Variants in DPP10 observed in about 807,000 individuals in gnomAD.
DPP10 encodes the protein dipeptidyl peptidase like 10, also known as inactive dipeptidyl peptidase 10.
DPP10 carries 33 observed loss-of-function variants against 120.9 expected under a neutral mutation model. The observed-to-expected ratio is 0.27, with a 90% CI of 0.21 to 0.37. DPP10 has a LOEUF of 0.37. Ranked by LOEUF, DPP10 falls within the 10% of genes least tolerant of loss-of-function variation. DPP10 has a pLI of 1.00. For synonymous variants in DPP10, 337 were observed against 326.1 expected (o/e 1.03, Z -0.36); for missense variants, 816 against 942.8 (o/e 0.87, Z 1.76).
Position 115,107,773 on chromosome 2 carries a change from T to C in DPP10, c.61-201466T>C, listed in dbSNP as rs999718346. Among the ~76,000 whole-genome samples the C allele has an allele frequency of 2.8e-4, 42 of 152,248 alleles. 1 individual carries two copies. Among genetic ancestry groups the C allele is most frequent in the African/African-American group, 1.0e-3 (42 of 41,562 alleles). On this transcript the variant is annotated intron_variant, in intron 1 of 25. Coordinates refer to ENST00000410059, the MANE Select transcript of DPP10 (RefSeq NM_020868.6). ...GATTTGTTCCGTTAGTATATTACTA[T>C]TACAATTTCGAAAGACTTATAGAAC...
intron 1 of DPP10, among the ~76,000 whole-genome samples, chr2:114,780,019 C>T (rs1574169326): frequency 6.6e-6 from 1 of 151,528 alleles, no homozygotes; most frequent in African/African-American, 2.4e-5. Flanking sequence ...GCCTGTAGTC[C>T]CAGCTACTCG....
intron 21 of DPP10, among the ~76,000 whole-genome samples, chr2:115,825,011 T>A (rs1334289280): frequency 6.6e-6 from 1 of 152,192 alleles, no homozygotes; most frequent in African/African-American, 2.4e-5. Flanking sequence ...AGATGTCAAC[T>A]TTTGTCTTTT....
intron 1 of DPP10, among the ~76,000 whole-genome samples, chr2:114,650,007 A>AT (rs1016329828): frequency 5.9e-5 from 9 of 151,962 alleles, no homozygotes; most frequent in African/African-American, 1.9e-4. Flanking sequence ...TTATTGCACT[A>AT]TTTTTTCAAA....
rs1310569410 is a variant in DPP10 at position 115,519,551 on chromosome 2, TA to T, written c.367-6339del. Among the ~76,000 whole-genome samples the T allele has an allele frequency of 6.6e-5, 10 of 152,034 alleles. No individual in the cohort carries two copies. The East Asian group carries it at 9.6e-4, about 15-fold the overall frequency. ...AAAGAGAACATGAAAAAATACACAG[TA>T]AAAAAAATTGATTTTAAAATTTTCT... On this transcript the variant is annotated intron_variant, in intron 4 of 25. Coordinates refer to ENST00000410059, the MANE Select transcript of DPP10 (RefSeq NM_020868.6).
intron 21 of DPP10, among the ~76,000 whole-genome samples, chr2:115,821,733 G>A (rs1448321784): frequency 1.3e-5 from 2 of 151,584 alleles, no homozygotes; most frequent in Non-Finnish European, 2.9e-5. Context: ...TTATATTGCT[G>A]AGAAGTATTG....
In DPP10 at chr2:115,836,582, T is replaced by A. The variant is rs1689552101; in HGVS notation, c.2109+17T>A. 1 of 1,612,486 alleles carries A rather than the reference T, an allele frequency of 6.2e-7. No individual in the cohort carries two copies. The highest frequency in any genetic ancestry group is 8.5e-7 in the Non-Finnish European group (1 of 1,179,518). On this transcript the variant is annotated intron_variant, in intron 23 of 25. Transcript: ENST00000410059. ...ACTTACCAGGTAACTAATTTGAAAA[T>A]AACAAAGAAAGAGGAGTATTTTTGT...
chr2:114,725,764 C>T (rs1702002658), intron 1 of DPP10, among the ~76,000 whole-genome samples: 1 of 152,168 alleles, frequency 6.6e-6, no homozygotes, highest in Non-Finnish European at 1.5e-5. Context: ...ATTTGCCAGG[C>T]TAGGAAGTAT....
chr2:115,644,200 A>T (rs2087029133), intron 5 of DPP10, among the ~76,000 whole-genome samples: 1 of 152,156 alleles, frequency 6.6e-6, no homozygotes, highest in South Asian at 2.1e-4. Context: ...TCTAGGGTAC[A>T]TGTGCACAAC....
At chr2:115,616,474 A>G (rs2084508186) in intron 5 of DPP10, among the ~76,000 whole-genome samples, 1 of 152,034 alleles carries the variant, frequency 6.6e-6, no homozygotes. Context: ...AGATCAATAC[A>G]AATACATTTC....
At chr2:115,420,866 A>T (rs1271642273) in intron 3 of DPP10, among the ~76,000 whole-genome samples, 1 of 152,252 alleles carries the variant, frequency 6.6e-6, no homozygotes, top group African/African-American at 2.4e-5. Context: ...AGAGGAAAAT[A>T]TCAGATACTC....
intron 1 of DPP10, chr2:114,707,259 G>GA (rs1387160030): frequency 6.6e-6 from 1 of 151,468 alleles, no homozygotes; most frequent in African/African-American, 2.4e-5. Flanking sequence ...TAGTAATAGA[G>GA]AAAAAATAGG....
intron 1 of DPP10, among the ~76,000 whole-genome samples, chr2:115,210,291 A>G (rs1294785211): frequency 1.3e-5 from 2 of 151,928 alleles, no homozygotes; most frequent in Non-Finnish European, 2.9e-5. Flanking sequence ...TGTCCTTGTG[A>G]TAGTTTGCTG....
In DPP10 at chr2:115,577,324, A is replaced by G. The variant is rs570568587; in HGVS notation, c.441+51352A>G. Among the ~76,000 whole-genome samples, 12 of 152,330 alleles carry G rather than the reference A, an allele frequency of 7.9e-5. No individual in the cohort carries two copies. In the South Asian group the frequency reaches 2.5e-3, roughly 32 times the overall value. Reference sequence around the variant, plus strand: ...AGTGTGATCCTCTTAGCAAGAAGGCATGGGTGGAATTTCTGCCTTCCGTGT... The same window carrying G: ...AGTGTGATCCTCTTAGCAAGAAGGCGTGGGTGGAATTTCTGCCTTCCGTGT... On this transcript the variant is annotated intron_variant, in intron 5 of 25. Transcript: ENST00000410059.
At chr2:115,132,724 C>G (rs549756925) in intron 1 of DPP10, among the ~76,000 whole-genome samples, 100 of 152,138 alleles carry the variant, frequency 6.6e-4, no homozygotes, top group Non-Finnish European at 5.3e-4. Flanking sequence ...CTAGGGTCCC[C>G]TTGGCCAGAA....
At chr2:115,272,621 A>T (rs1016107353) in intron 1 of DPP10, among the ~76,000 whole-genome samples, 1 of 152,376 alleles carries the variant, frequency 6.6e-6, no homozygotes, top group East Asian at 1.9e-4. Flanking sequence ...TCATGTAGTT[A>T]TTCCACGTCT....
intron 3 of DPP10, among the ~76,000 whole-genome samples, chr2:115,372,136 A>G (rs2065452398): frequency 6.6e-6 from 1 of 152,182 alleles, no homozygotes; most frequent in Non-Finnish European, 1.5e-5. Flanking sequence ...ATTAATAGAT[A>G]CAATTTTGTT....
At chr2:115,236,837 G>T (rs2058030847) in intron 1 of DPP10, among the ~76,000 whole-genome samples, 1 of 152,146 alleles carries the variant, frequency 6.6e-6, no homozygotes, top group African/African-American at 2.4e-5. Context: ...TAAGTAAGTT[G>T]GCTTTCCCTG....
intron 1 of DPP10, among the ~76,000 whole-genome samples, chr2:114,829,529 A>C (rs1686884463): frequency 7.0e-6 from 1 of 142,122 alleles, no homozygotes; most frequent in South Asian, 2.3e-4. Context: ...CACTACACTC[A>C]GCTAATTTTT....
chr2:114,675,013 G>A (rs915747491), intron 1 of DPP10, among the ~76,000 whole-genome samples: 1 of 152,140 alleles, frequency 6.6e-6, no homozygotes. Context: ...CCTGCATTGT[G>A]TTCATAAAAA....
Sources: allele counts gnomAD v4.1 joint callset (sites outside exome capture counted in the v4.1 genomes callset), GRCh38; gene constraint gnomAD v4.1.1; transcripts MANE v1.5; gene names NCBI Gene and HGNC (gene_info 2026-07-23, HGNC 2026-07-21).